The following KIAA1328 variants were observed in gnomAD, a reference collection of about 807,000 sequenced individuals.
KIAA1328 encodes the protein KIAA1328.
KIAA1328 carries 52 observed loss-of-function variants against 68.1 expected under a neutral mutation model. The observed-to-expected ratio is 0.76, with a 90% CI of 0.61 to 0.96. The LOEUF is 0.96. Among genes scored for constraint, KIAA1328 ranks in the 40% least tolerant of loss-of-function variants. The pLI is 0.00. For synonymous variants in KIAA1328, 232 were observed against 239.4 expected, an observed-to-expected ratio of 0.97 and a Z score of 0.28; for missense variants, 641 against 677.6, an observed-to-expected ratio of 0.95 and a Z score of 0.60.
intron 9 of KIAA1328, among the ~76,000 whole-genome samples, chr18:37,196,225 C>T (rs1270642850): frequency 6.6e-6 from 1 of 152,070 alleles, no homozygotes; most frequent in Non-Finnish European, 1.5e-5. Flanking sequence ...AAGAACATGT[C>T]ATCAGTGAAC....
At chr18:37,006,567 G>T (rs1457512333) in intron 6 of KIAA1328, among the ~76,000 whole-genome samples, 1 of 151,692 alleles carries the variant, frequency 6.6e-6, no homozygotes, top group Non-Finnish European at 1.5e-5. Flanking sequence ...GGGTACATGT[G>T]CACAATGTGC....
intron 9 of KIAA1328, among the ~76,000 whole-genome samples, chr18:37,184,026 A>G (rs1343458336): frequency 1.3e-5 from 2 of 152,210 alleles, no homozygotes; most frequent in Non-Finnish European, 2.9e-5. Context: ...TCATTCCTGC[A>G]CTAGAGCAGA....
At chr18:37,207,048 A>G (rs1396943170) in intron 9 of KIAA1328, among the ~76,000 whole-genome samples, 2 of 152,204 alleles carry the variant, frequency 1.3e-5, no homozygotes, top group African/African-American at 4.8e-5. Context: ...AAGAGAGAAT[A>G]TGATGGCAAA....
At chr18:37,126,409 T>C (rs1159559194) in intron 7 of KIAA1328, among the ~76,000 whole-genome samples, 2 of 152,214 alleles carry the variant, frequency 1.3e-5, no homozygotes, top group South Asian at 4.1e-4. Context: ...AAAAAATAGA[T>C]AATGTGAATA....
downstream of KIAA1328, chr18:37,229,470 C>T (rs1305986920): frequency 2.1e-6 from 2 of 964,712 alleles, no homozygotes; most frequent in Non-Finnish European, 2.7e-6. Context: ...TTTAGCAAAA[C>T]TTGCCAAGGT....
intron 4 of KIAA1328, among the ~76,000 whole-genome samples, chr18:36,875,255 T>A (rs948038238): frequency 6.6e-6 from 1 of 152,234 alleles, no homozygotes; most frequent in African/African-American, 2.4e-5. Flanking sequence ...TATAAGTTAC[T>A]TTGGGCAGTA....
At chr18:36,864,813 C>G (rs2047691611) in intron 4 of KIAA1328, among the ~76,000 whole-genome samples, 1 of 151,880 alleles carries the variant, frequency 6.6e-6, no homozygotes, top group Admixed American at 6.6e-5. Flanking sequence ...TTCAAGTTGT[C>G]TATTTCATCT....
intron 6 of KIAA1328, among the ~76,000 whole-genome samples, chr18:36,985,188 T>C (rs2052865397): frequency 6.6e-6 from 1 of 151,912 alleles, no homozygotes; most frequent in African/African-American, 2.4e-5. Flanking sequence ...TGGTCCTAGA[T>C]ACTTGGGAGG....
At chr18:36,895,249 C>T (rs1188201886) in intron 5 of KIAA1328, among the ~76,000 whole-genome samples, 1 of 152,146 alleles carries the variant, frequency 6.6e-6, no homozygotes, top group African/African-American at 2.4e-5. Flanking sequence ...GATCTTGGAT[C>T]AGCTACTTTA....
chr18:37,142,944 T>G lies in KIAA1328; in HGVS notation c.1233-17256T>G, dbSNP rs531401711. ...AGTTTATTTCTGGATTTACTTTGGT[T>G]TTTTTTTTTTGTTTTTTTTTTGTTT... On this transcript the variant is annotated intron_variant, in intron 7 of 9. Transcript: ENST00000280020. Among the ~76,000 whole-genome samples the G allele has an allele frequency of 2.9e-3, 435 of 150,084 alleles. 1 individual carries two copies. The highest frequency in any genetic ancestry group is 0.01 in the African/African-American group (416 of 40,904).
intron 7 of KIAA1328, among the ~76,000 whole-genome samples, chr18:37,099,885 C>T (rs2057544294): frequency 6.6e-6 from 1 of 152,160 alleles, no homozygotes. Context: ...TTATCAGAGA[C>T]TAGGATTGCA....
intron 5 of KIAA1328, among the ~76,000 whole-genome samples, chr18:36,918,170 C>T (rs1223068087): frequency 6.6e-6 from 1 of 151,990 alleles, no homozygotes; most frequent in East Asian, 1.9e-4. Context: ...AATATTCCCC[C>T]CCTTTTTTGT....
chr18:36,911,440 A>C (rs948386592), intron 5 of KIAA1328, among the ~76,000 whole-genome samples: 1 of 152,166 alleles, frequency 6.6e-6, no homozygotes, highest in Non-Finnish European at 1.5e-5. Flanking sequence ...TTTAAATAAA[A>C]ACAGACCTTG....
chr18:36,854,246 A>G (rs942828171), intron 4 of KIAA1328, among the ~76,000 whole-genome samples: 2 of 152,170 alleles, frequency 1.3e-5, no homozygotes, highest in Non-Finnish European at 2.9e-5. Flanking sequence ...TCCTGCTGAC[A>G]CCTTGATCTT....
chr18:36,829,379 A>G (rs2046375931), intron 1 of KIAA1328, 183 bp downstream of exon 1: 3 of 1,373,852 alleles, frequency 2.2e-6, no homozygotes, highest in Non-Finnish European at 2.8e-6. Context: ...GGTGGCCGAG[A>G]GACTGGTACT....
intron 5 of KIAA1328, among the ~76,000 whole-genome samples, chr18:36,940,714 T>G (rs2050677814): frequency 6.7e-6 from 1 of 150,050 alleles, no homozygotes; most frequent in South Asian, 2.1e-4. Flanking sequence ...TCTCGCTCTG[T>G]CACCAGGCTG....
chr18:37,052,363 C>G (rs187522924), intron 6 of KIAA1328, among the ~76,000 whole-genome samples: 2 of 151,992 alleles, frequency 1.3e-5, no homozygotes, highest in Admixed American at 1.3e-4. Flanking sequence ...GAGGAACTTA[C>G]GACAAATACA....
intron 6 of KIAA1328, among the ~76,000 whole-genome samples, chr18:36,982,760 A>C (rs1209529265): frequency 2.0e-5 from 3 of 152,032 alleles, no homozygotes; most frequent in Non-Finnish European, 2.9e-5. Context: ...GTCATTTTAA[A>C]TGTAAATGCC....
chr18:37,027,669 A>G (rs1343441401), intron 6 of KIAA1328, among the ~76,000 whole-genome samples: 2 of 152,226 alleles, frequency 1.3e-5, no homozygotes, highest in African/African-American at 2.4e-5. Flanking sequence ...AGCCATATGT[A>G]GAAAGCTGAA....
Sources: gnomAD v4.1 joint callset for allele counts (sites outside exome capture counted in the v4.1 genomes callset) on GRCh38, gnomAD v4.1.1 for gene constraint, MANE v1.5 for transcripts, NCBI Gene and HGNC (gene_info 2026-07-23, HGNC 2026-07-21) for gene names.